Variants in LPP observed in about 807,000 individuals in gnomAD.
LPP encodes LIM domain containing preferred translocation partner in lipoma, also known as lipoma-preferred partner.
In LPP, 38 loss-of-function variants were observed where a neutral mutation model predicts 60.4. The observed-to-expected ratio is 0.63, with a 90% confidence interval of 0.49 to 0.83. The LOEUF is 0.83. Among genes scored for constraint, LPP ranks in the 40% least tolerant of loss-of-function variants. LPP has a pLI of 0.00. For synonymous variants in LPP, 328 were observed against 290.8 expected (o/e 1.13, Z -1.30); for missense variants, 902 against 783.6 (o/e 1.15, Z -1.80).
chr3:188,391,112 C>T (rs1779587288), intron 3 of LPP, among the ~76,000 whole-genome samples: 1 of 152,140 alleles, frequency 6.6e-6, no homozygotes, highest in Admixed American at 6.5e-5. Context: ...AGTACAAAGA[C>T]TCATCTGTGG....
chr3:188,789,241 C>T (rs1282859944), intron 9 of LPP, among the ~76,000 whole-genome samples: 16 of 152,128 alleles, frequency 1.1e-4, no homozygotes, highest in Admixed American at 1.0e-3. Context: ...ATAAGTGTGA[C>T]ACACTTTATT....
intron 9 of LPP, among the ~76,000 whole-genome samples, chr3:188,847,751 G>A (rs1371061809): frequency 1.3e-5 from 2 of 152,154 alleles, no homozygotes; most frequent in East Asian, 3.9e-4. Flanking sequence ...TGCCTAGAGT[G>A]GGCTTATAAC....
At chr3:188,254,775 A>G (rs1180536201) in intron 2 of LPP, among the ~76,000 whole-genome samples, 1 of 152,080 alleles carries the variant, frequency 6.6e-6, no homozygotes, top group Non-Finnish European at 1.5e-5. Flanking sequence ...GAACTGAACG[A>G]TCAAAATCAC....
At chr3:188,558,360 T>G (rs1433182167) in intron 6 of LPP, among the ~76,000 whole-genome samples, 1 of 152,080 alleles carries the variant, frequency 6.6e-6, no homozygotes, top group Admixed American at 6.6e-5. Flanking sequence ...CATTCATCAC[T>G]TCCTACCTGC....
At chr3:188,547,820 T>C (rs1482620730) in intron 6 of LPP, among the ~76,000 whole-genome samples, 1 of 152,198 alleles carries the variant, frequency 6.6e-6, no homozygotes, top group Non-Finnish European at 1.5e-5. Flanking sequence ...AGAAGTGTGA[T>C]GTATAAAATG....
chr3:188,575,296 T>G (rs76919907), intron 6 of LPP, among the ~76,000 whole-genome samples: 1 of 152,158 alleles, frequency 6.6e-6, no homozygotes, highest in Non-Finnish European at 1.5e-5. Flanking sequence ...TTTTTTGTTT[T>G]TAGTTTTCCT....
chr3:188,498,828 C>T (rs1055566726), intron 5 of LPP, among the ~76,000 whole-genome samples: 13 of 152,042 alleles, frequency 8.6e-5, no homozygotes, highest in Non-Finnish European at 5.9e-5. Flanking sequence ...TTTTTTGTCT[C>T]GATAATAGCC....
chr3:188,500,408 C>T (rs1011662706), intron 5 of LPP, among the ~76,000 whole-genome samples: 1 of 151,784 alleles, frequency 6.6e-6, no homozygotes. Flanking sequence ...GTTGAGTATC[C>T]GTTCGTTACA....
In LPP at chr3:188,674,899, T is replaced by C. The variant is rs144169205; in HGVS notation, c.1114-33368T>C. On this transcript the variant is annotated intron_variant, in intron 7 of 11. Coordinates refer to ENST00000617246, the MANE Select transcript of LPP (RefSeq NM_001375462.1). ...ACATATTTATTACTTCAAAGTTTATTATCACAGGACATGCATGCTGCTTTA... is the reference window on the plus strand; with the variant it reads ...ACATATTTATTACTTCAAAGTTTATCATCACAGGACATGCATGCTGCTTTA... Among the ~76,000 whole-genome samples the C allele has an allele frequency of 2.0e-3, 312 of 152,340 alleles. 1 individual carries two copies. Among genetic ancestry groups the C allele is most frequent in the Non-Finnish European group, 3.4e-3 (229 of 68,032 alleles).
intron 4 of LPP, among the ~76,000 whole-genome samples, chr3:188,439,144 CTAAAG>C (rs1249119483): frequency 6.6e-6 from 1 of 152,144 alleles, no homozygotes; most frequent in Non-Finnish European, 1.5e-5. Context: ...GTAGTCTCCC[CTAAAG>C]TTTGGTGATT....
At chr3:188,443,762 A>G (rs922573871) in intron 4 of LPP, among the ~76,000 whole-genome samples, 1 of 152,362 alleles carries the variant, frequency 6.6e-6, no homozygotes, top group Middle Eastern at 3.4e-3. Context: ...GCCTGACAGG[A>G]AAGAATTGGG....
At chr3:188,448,336 A>G (rs192595998) in intron 4 of LPP, among the ~76,000 whole-genome samples, 1 of 28,904 alleles carries the variant, frequency 3.5e-5, no homozygotes, top group Non-Finnish European at 8.9e-5. Context: ...GTTACCTGAG[A>G]TGACTCGTGC....
intron 5 of LPP, among the ~76,000 whole-genome samples, chr3:188,510,057 G>A (rs1014276280): frequency 6.6e-6 from 1 of 151,888 alleles, no homozygotes; most frequent in Non-Finnish European, 1.5e-5. Context: ...CTGTCACTGA[G>A]TAAATAGTAG....
At chr3:188,678,969 G>A (rs1407350740) in intron 7 of LPP, among the ~76,000 whole-genome samples, 2 of 152,232 alleles carry the variant, frequency 1.3e-5, no homozygotes, top group Non-Finnish European at 2.9e-5. Context: ...TGGTTGAGTG[G>A]ATTGAATGAG....
chr3:188,415,158 T>C (rs1336054569), intron 4 of LPP, among the ~76,000 whole-genome samples: 3 of 152,178 alleles, frequency 2.0e-5, no homozygotes, highest in African/African-American at 4.8e-5. Flanking sequence ...AAATATACAA[T>C]ACTATTGTCC....
chr3:188,490,170 G>A (rs1807898475), intron 5 of LPP, among the ~76,000 whole-genome samples: 2 of 152,132 alleles, frequency 1.3e-5, no homozygotes, highest in African/African-American at 4.8e-5. Flanking sequence ...GAGAGAGATA[G>A]GTGCTGTATG....
chr3:188,301,717 A>T (rs1034993444), intron 2 of LPP, among the ~76,000 whole-genome samples: 3 of 152,024 alleles, frequency 2.0e-5, no homozygotes, highest in Non-Finnish European at 4.4e-5. Flanking sequence ...CCCAGGCTGG[A>T]GTGCAGTGGC....
In LPP at chr3:188,484,699, G is replaced by C. The variant is rs781256270; in HGVS notation, c.301G>C (p.Val101Leu). 3 of 1,604,656 alleles carry C rather than the reference G, an allele frequency of 1.9e-6. No individual in the cohort carries two copies. Among genetic ancestry groups the C allele is most frequent in the East Asian group, 2.2e-5 (1 of 44,780 alleles). Reference protein sequence around the residue: ...PPPLDEEAFKVQGNPGGKTLE... With the variant: ...PPPLDEEAFKLQGNPGGKTLE... ...ACCTCTTGATGAAGAGGCTTTCAAA[G>C]TACAGGTAAGAGCTGAAGTTAAAGT... Residue 101 changes from valine (V) to leucine (L), a missense_variant, in exon 5 of 12, where the codon GTA becomes CTA. Val to Leu is a conservative substitution (Grantham distance 32). Transcript: ENST00000617246.
At position 188,166,704 on chromosome 3, in the gene LPP, C is replaced by T. The variant is rs78962181; in HGVS notation, c.-190+12452C>T. 1.6e-3 allele frequency among the ~76,000 whole-genome samples: 245 copies of T among 152,340 alleles called. 1 individual carries two copies. The highest frequency in any genetic ancestry group is 5.7e-3 in the African/African-American group (236 of 41,568). On this transcript the variant is annotated intron_variant, in intron 1 of 11. Transcript: ENST00000617246. ...AATGCCAGATTCTTCCTGTTCCCTG[C>T]CTGTGCAGATCTCTGAGTCCGGCTC...
Sources: allele counts gnomAD v4.1 joint callset (sites outside exome capture counted in the v4.1 genomes callset), GRCh38; gene constraint gnomAD v4.1.1; transcripts MANE v1.5; gene names NCBI Gene and HGNC (gene_info 2026-07-23, HGNC 2026-07-21).